The following URB1 variants were observed in gnomAD, a reference collection of about 807,000 sequenced individuals.
URB1 encodes the protein nucleolar pre-ribosomal-associated protein 1.
Under a neutral mutation model 242.3 loss-of-function variants are expected in URB1, and 197 were observed. The ratio of observed to expected loss-of-function variants is 0.81; its 90% CI spans 0.72 to 0.91. The LOEUF (loss-of-function observed/expected upper bound fraction) is 0.91, where lower values mean the gene tolerates loss of function less well. Among genes scored for constraint, URB1 ranks in the 40% least tolerant of loss-of-function variants. URB1 has a pLI of 0.00. For missense variants in URB1, 2,721 were observed against 2,860.5 expected (o/e 0.95, Z 1.11); for synonymous variants, 1,153 against 1,201.8 (o/e 0.96, Z 0.84).
intron 36 of URB1, 41 bp from the exon 37 acceptor site, chr21:32,317,958 G>T: frequency 6.5e-7 from 1 of 1,547,108 alleles, no homozygotes; most frequent in Non-Finnish European, 8.7e-7. Flanking sequence ...AAAGGCTGCT[G>T]CCCCTGCCTG....
chr21:32,314,809 G>A lies in URB1; in HGVS notation c.*109C>T. ...AGAACTGAGCCAATGTACTGAACCTGTTGTTTCCCATGCCTTCTCTGGAAA... is the reference window on the plus strand; with the variant it reads ...AGAACTGAGCCAATGTACTGAACCTATTGTTTCCCATGCCTTCTCTGGAAA... On this transcript the variant is annotated 3_prime_UTR_variant, in exon 39 of 39. Transcript: ENST00000382751. The A allele has an allele frequency of 4.7e-6, 7 of 1,475,732 alleles. No homozygotes were observed. Among genetic ancestry groups the A allele is most frequent in the Non-Finnish European group, 6.4e-6 (7 of 1,093,278 alleles). 91.4% of individuals were successfully genotyped at this position (1,475,732 alleles called of 1,614,324 possible).
chr21:32,311,383 A>C lies in URB1; in HGVS notation c.*3535T>G, dbSNP rs563759492. 25 of 465,142 alleles carry C rather than the reference A, an allele frequency of 5.4e-5. No homozygotes were observed. Among genetic ancestry groups the C allele is most frequent in the African/African-American group, 4.1e-4 (21 of 51,762 alleles). 28.8% of individuals were successfully genotyped at this position (465,142 alleles called of 1,614,324 possible). On this transcript the variant is annotated 3_prime_UTR_variant, in exon 39 of 39. Transcript: ENST00000382751. ...GAACTACACTCAGATACAGCGCTGGATGGGAGGTCAACCTGCTCCCCTCCA... is the reference window on the plus strand; with the variant it reads ...GAACTACACTCAGATACAGCGCTGGCTGGGAGGTCAACCTGCTCCCCTCCA...
chr21:32,352,701 G>A lies in URB1; in HGVS notation c.2613+9C>T. ...AGCAGCAGTGACCACAGCTGTGGCTGCAGCTCACCCAGGCCTCTCGGGCTT... is the reference window on the plus strand; with the variant it reads ...AGCAGCAGTGACCACAGCTGTGGCTACAGCTCACCCAGGCCTCTCGGGCTT... On this transcript the variant is annotated intron_variant, in intron 19 of 38. Transcript: ENST00000382751. 1 of 1,550,602 alleles carries A rather than the reference G, an allele frequency of 6.4e-7. No homozygotes were observed. The highest frequency in any genetic ancestry group is 8.7e-7 in the Non-Finnish European group (1 of 1,146,848).
chr21:32,372,024 T>A (rs1017342094), intron 8 of URB1, among the ~76,000 whole-genome samples: 1 of 152,278 alleles, frequency 6.6e-6, no homozygotes, highest in Middle Eastern at 3.4e-3. Flanking sequence ...GAGGGAGGAC[T>A]GTTTTAGTAT....
At position 32,356,371 on chromosome 21, in the gene URB1, G is replaced by C. The variant is rs554683268; in HGVS notation, c.1990-806C>G. ...TGTAGCAGTGCACAGCAGCGTGGATGACAGAGCGAGAGCCTGTCTCAAACA... is the reference window on the plus strand; with the variant it reads ...TGTAGCAGTGCACAGCAGCGTGGATCACAGAGCGAGAGCCTGTCTCAAACA... On this transcript the variant is annotated intron_variant, in intron 15 of 38. Transcript: ENST00000382751. Among the ~76,000 whole-genome samples, 211 of 152,284 alleles carry C rather than the reference G, an allele frequency of 1.4e-3. 1 individual carries two copies. The highest frequency in any genetic ancestry group is 4.9e-3 in the African/African-American group (202 of 41,536).
chr21:32,338,443 A>G (rs1393518156), intron 26 of URB1, among the ~76,000 whole-genome samples: 1 of 152,222 alleles, frequency 6.6e-6, no homozygotes, highest in Admixed American at 6.5e-5. Flanking sequence ...ACATGAGCCC[A>G]TGATAACGGC....
intron 26 of URB1, 100 bp from the exon 27 acceptor site, chr21:32,337,614 T>C: frequency 1.1e-6 from 1 of 921,364 alleles, no homozygotes; most frequent in Non-Finnish European, 1.7e-6. Context: ...ATGCTGGAAA[T>C]CTCCTCCTCT....
chr21:32,331,811 G>A (rs1428416961), intron 30 of URB1, among the ~76,000 whole-genome samples: 1 of 152,256 alleles, frequency 6.6e-6, no homozygotes, highest in Admixed American at 6.5e-5. Context: ...GCTGGAAAGA[G>A]GAGCCCCAAA....
Position 32,361,973 on chromosome 21 carries a change from T to A in URB1, c.1558A>T (p.Lys520Ter). Residue 520 changes from lysine to a stop codon, truncating the protein, a stop_gained, in exon 12 of 39, where the codon AAG becomes TAG. Transcript: ENST00000382751. LOFTEE classifies it high-confidence loss of function. ...TVVWVWQSLK[K>*]QETKQDDKKG... Reference sequence around the variant, plus strand: ...TTGTCATCCTGTTTGGTCTCTTGCTTTTTAAGTGACTGCCAGACCCACACG... The same window carrying A: ...TTGTCATCCTGTTTGGTCTCTTGCTATTTAAGTGACTGCCAGACCCACACG... The A allele has an allele frequency of 6.4e-7, 1 of 1,551,564 alleles. No homozygotes were observed. The highest frequency in any genetic ancestry group is 8.7e-7 in the Non-Finnish European group (1 of 1,146,898).
Position 32,348,242 on chromosome 21 carries a change from G to A in URB1, c.3013-431C>T, listed in dbSNP as rs1030808531. On this transcript the variant is annotated intron_variant, in intron 21 of 38. Transcript: ENST00000382751. ...AATCAGCTGCTGGCTTCTCCTCAGC[G>A]GCCTTGCCCTCCTAGATAAATCTGG... 9.2e-5 allele frequency among the ~76,000 whole-genome samples: 14 copies of A among 152,320 alleles called. 1 individual carries two copies. The South Asian group carries it at 2.3e-3, about 25-fold the overall frequency.
intron 1 of URB1, among the ~76,000 whole-genome samples, chr21:32,385,964 C>T (rs2033579972): frequency 6.6e-6 from 1 of 152,038 alleles, no homozygotes; most frequent in African/African-American, 2.4e-5. Context: ...CCAGCCTGGC[C>T]AACATGGTGA....
intron 5 of URB1, 128 bp downstream of exon 5, chr21:32,378,317 A>G: frequency 1.3e-6 from 1 of 794,120 alleles, no homozygotes. Flanking sequence ...TCCCTGCCCC[A>G]CATCCTTCAA....
At position 32,349,219 on chromosome 21, in the gene URB1, C is replaced by T. The variant is rs1245086861; in HGVS notation, c.3012+85G>A. ...CATTTCCCAATTTTCCCACAATGGACCTATGTTTGTTTTTAATCAGAAGTG... is the reference window on the plus strand; with the variant it reads ...CATTTCCCAATTTTCCCACAATGGATCTATGTTTGTTTTTAATCAGAAGTG... On this transcript the variant is annotated intron_variant, in intron 21 of 38. Transcript: ENST00000382751. The T allele has an allele frequency of 2.1e-6, 3 of 1,420,584 alleles. No individual in the cohort carries two copies. The East Asian group carries it at 7.9e-5, about 38-fold the overall frequency. 88.0% of individuals were successfully genotyped at this position (1,420,584 alleles called of 1,614,324 possible).
At position 32,316,846 on chromosome 21, in the gene URB1, G is replaced by A; in HGVS notation, c.6254C>T (p.Pro2085Leu). Residue 2085 changes from proline to leucine, a missense_variant, in exon 38 of 39, where the codon CCC becomes CTC. Transcript: ENST00000382751. Reference sequence around the variant, plus strand: ...TACGGGGCCTGGCGCATCGCTCTCGGGGCTGGCTGAGTCCACAGGCTCCTG... The same window carrying A: ...TACGGGGCCTGGCGCATCGCTCTCGAGGCTGGCTGAGTCCACAGGCTCCTG... ...PTQEPVDSASPESDAPGPVYA... is the reference protein window; with the variant it reads ...PTQEPVDSASLESDAPGPVYA... 1.3e-6 allele frequency: 2 copies of A among 1,549,224 alleles called. No homozygotes were observed. Among genetic ancestry groups the A allele is most frequent in the Non-Finnish European group, 8.7e-7 (1 of 1,145,372 alleles).
chr21:32,334,910 G>A (rs941172051), intron 28 of URB1, among the ~76,000 whole-genome samples: 2 of 152,062 alleles, frequency 1.3e-5, no homozygotes, highest in South Asian at 2.1e-4. Context: ...TACCTCAACC[G>A]CCACCACAGC....
chr21:32,317,061 C>A lies in URB1; in HGVS notation c.6039G>T (p.Met2013Ile). The A allele has an allele frequency of 1.3e-6, 2 of 1,530,804 alleles. No individual in the cohort carries two copies. Among genetic ancestry groups the A allele is most frequent in the African/African-American group, 2.8e-5 (2 of 72,008 alleles). The allele number at this position is 1,530,804 out of a possible 1,614,324, so 94.8% of individuals were successfully genotyped here. Residue 2013 changes from methionine (M) to isoleucine (I), a missense_variant, in exon 38 of 39, where the codon ATG (methionine) becomes ATT (isoleucine). By Grantham distance (10) the Met-to-Ile change is conservative (BLOSUM62 1). Coordinates refer to ENST00000382751, the MANE Select transcript of URB1 (RefSeq NM_014825.3). The part of the protein sequence containing the change: ...EKAQARELMK[M>I]LKDKNKPVMP... ...TGACAGGCTTGTTCTTATCCTTGAG[C>A]ATTTCTGTTAAATGCACAAAGAGAA...
Position 32,338,724 on chromosome 21 carries a change from G to C in URB1, c.4493C>G (p.Pro1498Arg). 6.4e-7 allele frequency: 1 copy of C among 1,551,350 alleles called. No homozygotes were observed. ...TLLTSDGEES[P>R]DSQVKEALVD... Reference sequence around the variant, plus strand: ...GGGGTCACCTTTTACTTGGCTGTCCGGGCTCTCCTCTCCGTCAGACGTCAG... The same window carrying C: ...GGGGTCACCTTTTACTTGGCTGTCCCGGCTCTCCTCTCCGTCAGACGTCAG... Residue 1498 changes from proline (P) to arginine (R), a missense_variant, in exon 26 of 39, where the codon CCG becomes CGG. By Grantham distance (103) the Pro-to-Arg change is moderately radical. Coordinates refer to ENST00000382751, the MANE Select transcript of URB1 (RefSeq NM_014825.3).
At position 32,350,826 on chromosome 21, in the gene URB1, G is replaced by T; in HGVS notation, c.2710C>A (p.Arg904=). Residue 904 remains arginine (R), a synonymous_variant, in exon 20 of 39, where the codon CGG becomes AGG. Coordinates refer to ENST00000382751, the MANE Select transcript of URB1 (RefSeq NM_014825.3). Reference sequence around the variant, plus strand: ...AGCTGCACCTGGATGTGCTCGTCCCGAAGCGCTTGGCTCTCGTAGGCTGCC... The same window carrying T: ...AGCTGCACCTGGATGTGCTCGTCCCTAAGCGCTTGGCTCTCGTAGGCTGCC... ...LQAAYESQAL[R]DEHIQVQLQA... is the part of the protein sequence containing the mutation. The T allele has an allele frequency of 6.4e-7, 1 of 1,551,342 alleles. No individual in the cohort carries two copies. Among genetic ancestry groups the T allele is most frequent in the Non-Finnish European group, 8.7e-7 (1 of 1,146,996 alleles).
chr21:32,320,438 T>C, intron 35 of URB1, 93 bp downstream of exon 35: 3 of 977,844 alleles, frequency 3.1e-6, no homozygotes, highest in South Asian at 3.1e-5. Context: ...TTACTGGACA[T>C]TTCCAACCAA....
Sources: allele counts gnomAD v4.1 joint callset (sites outside exome capture counted in the v4.1 genomes callset), GRCh38; gene constraint gnomAD v4.1.1; transcripts MANE v1.5; gene names NCBI Gene and HGNC (gene_info 2026-07-23, HGNC 2026-07-21).